PTPRD: variants seen among roughly 807,000 people sequenced by gnomAD.
PTPRD encodes the protein protein tyrosine phosphatase receptor type D, also known as receptor-type tyrosine-protein phosphatase delta.
In PTPRD, 34 loss-of-function variants were observed where a neutral mutation model predicts 214.5. The ratio of observed to expected loss-of-function variants is 0.16; its 90% confidence interval spans 0.12 to 0.21. The LOEUF is 0.21. PTPRD is among the 10% of genes least tolerant of loss of function. PTPRD has a pLI of 1.00. For synonymous variants in PTPRD, 1,128 were observed against 845.7 expected (o/e 1.33, Z -5.79); for missense variants, 2,545 against 2,398.7 (o/e 1.06, Z -1.27).
intron 10 of PTPRD, among the ~76,000 whole-genome samples, chr9:9,139,346 T>C (rs1320310517): frequency 6.6e-6 from 1 of 152,212 alleles, no homozygotes; most frequent in African/African-American, 2.4e-5. Context: ...TTGATTTTCT[T>C]ATAAATTGTT....
intron 14 of PTPRD, among the ~76,000 whole-genome samples, chr9:8,620,076 A>T (rs892983438): frequency 3.9e-5 from 6 of 151,978 alleles, no homozygotes; most frequent in Non-Finnish European, 8.8e-5. Flanking sequence ...CTAAGAATCT[A>T]TCAGAACCTC....
intron 2 of PTPRD, among the ~76,000 whole-genome samples, chr9:10,342,704 T>C (rs1367299376): frequency 6.6e-6 from 1 of 152,104 alleles, no homozygotes; most frequent in Non-Finnish European, 1.5e-5. Flanking sequence ...TTCCAGCATA[T>C]ACCTGTATAA....
At chr9:9,562,425 T>C (rs2154293345) in intron 8 of PTPRD, among the ~76,000 whole-genome samples, 1 of 152,344 alleles carries the variant, frequency 6.6e-6, no homozygotes, top group East Asian at 1.9e-4. Context: ...TTTGCCATTG[T>C]CAACAGAGAT....
At chr9:10,261,972 A>C (rs909054962) in intron 3 of PTPRD, among the ~76,000 whole-genome samples, 1 of 152,108 alleles carries the variant, frequency 6.6e-6, no homozygotes, top group African/African-American at 2.4e-5. Flanking sequence ...TCAGGGAATT[A>C]ATATGTCCAA....
chr9:9,035,368 T>G (rs2099618225), intron 10 of PTPRD, among the ~76,000 whole-genome samples: 1 of 152,102 alleles, frequency 6.6e-6, no homozygotes, highest in Admixed American at 6.6e-5. Context: ...TAAATAAGCC[T>G]TCTGTCAGCT....
At chr9:10,600,092 T>A (rs2077584409) in intron 2 of PTPRD, among the ~76,000 whole-genome samples, 1 of 151,818 alleles carries the variant, frequency 6.6e-6, no homozygotes, top group South Asian at 2.1e-4. Flanking sequence ...TTGTATTACT[T>A]ACTTTATTTT....
At chr9:9,543,961 A>G (rs1015863570) in intron 8 of PTPRD, among the ~76,000 whole-genome samples, 6 of 151,654 alleles carry the variant, frequency 4.0e-5, no homozygotes, top group African/African-American at 1.4e-4. Flanking sequence ...TTTATCAGGT[A>G]ACTGTCAGAT....
chr9:8,459,343 C>T (rs915128910), intron 33 of PTPRD, among the ~76,000 whole-genome samples: 2 of 151,850 alleles, frequency 1.3e-5, no homozygotes, highest in Non-Finnish European at 2.9e-5. Context: ...ATCAACTTCA[C>T]AGTAGCATTT....
intron 11 of PTPRD, among the ~76,000 whole-genome samples, chr9:8,738,204 A>G (rs147324729): frequency 6.6e-6 from 1 of 152,312 alleles, no homozygotes; most frequent in Non-Finnish European, 1.5e-5. Context: ...ATGGAACAAC[A>G]AAGAGCGCAC....
At chr9:9,714,813 T>C (rs1037728983) in intron 7 of PTPRD, among the ~76,000 whole-genome samples, 1 of 152,124 alleles carries the variant, frequency 6.6e-6, no homozygotes, top group African/African-American at 2.4e-5. Context: ...GTTTGAGAAA[T>C]ATCATTTAGC....
At chr9:10,502,559 T>C (rs2044140846) in intron 2 of PTPRD, among the ~76,000 whole-genome samples, 1 of 152,008 alleles carries the variant, frequency 6.6e-6, no homozygotes, top group Non-Finnish European at 1.5e-5. Flanking sequence ...AGCTTTAATA[T>C]TTTTTTGCAA....
chr9:10,113,126 T>C (rs943705924), intron 3 of PTPRD, among the ~76,000 whole-genome samples: 1 of 152,196 alleles, frequency 6.6e-6, no homozygotes, highest in Non-Finnish European at 1.5e-5. Context: ...AGCAGCGTTT[T>C]GAGAGGATGC....
chr9:8,713,980 A>T (rs1597736063), intron 12 of PTPRD: 1 of 604,806 alleles, frequency 1.7e-6, no homozygotes, highest in East Asian at 2.7e-5. Context: ...GTACACAGTG[A>T]CTCAATTTCA....
At chr9:9,009,348 C>T (rs1303071117) in intron 11 of PTPRD, among the ~76,000 whole-genome samples, 1 of 152,040 alleles carries the variant, frequency 6.6e-6, no homozygotes, top group Admixed American at 6.6e-5. Context: ...TATTGGGTTG[C>T]AGAGCTTTCA....
At chr9:10,400,405 A>G (rs1183244763) in intron 2 of PTPRD, among the ~76,000 whole-genome samples, 2 of 151,924 alleles carry the variant, frequency 1.3e-5, no homozygotes, top group East Asian at 3.9e-4. Flanking sequence ...TCATGTAATT[A>G]GTTGACTTAT....
intron 11 of PTPRD, among the ~76,000 whole-genome samples, chr9:8,955,911 C>G (rs779843562): frequency 6.6e-6 from 1 of 151,900 alleles, no homozygotes; most frequent in Admixed American, 6.6e-5. Flanking sequence ...TATACACACA[C>G]ACCTTATTTT....
At chr9:10,033,836 G>A (rs2097128067) in intron 3 of PTPRD, 46 bp from the exon 4 acceptor site, 1 of 152,142 alleles carries the variant, frequency 6.6e-6, no homozygotes. Flanking sequence ...TTCTCTGGCA[G>A]TTGTATTATG....
At chr9:9,910,986 T>G (rs1277434290) in intron 5 of PTPRD, among the ~76,000 whole-genome samples, 1 of 152,010 alleles carries the variant, frequency 6.6e-6, no homozygotes, top group Non-Finnish European at 1.5e-5. Context: ...TGGTGTCTAG[T>G]TTCCAATTCA....
At chr9:9,416,185 C>A (rs539764166) in intron 8 of PTPRD, among the ~76,000 whole-genome samples, 1 of 152,176 alleles carries the variant, frequency 6.6e-6, no homozygotes, top group Non-Finnish European at 1.5e-5. Context: ...AACTTCCCAA[C>A]TCATCTGTCT....
Sources: allele counts gnomAD v4.1 joint callset (sites outside exome capture counted in the v4.1 genomes callset), GRCh38; gene constraint gnomAD v4.1.1; transcripts MANE v1.5; gene names NCBI Gene and HGNC (gene_info 2026-07-23, HGNC 2026-07-21).